Variants in ERGIC2 observed in about 807,000 individuals in gnomAD.
ERGIC2 encodes the protein ERGIC and golgi 2, also known as endoplasmic reticulum-Golgi intermediate compartment protein 2.
A neutral mutation model predicts 52.5 loss-of-function variants in ERGIC2; 31 were observed. The ratio of observed to expected loss-of-function variants is 0.59; its 90% confidence interval spans 0.44 to 0.80. The LOEUF is 0.80. ERGIC2 is among the 30% of genes least tolerant of loss of function. ERGIC2 has a pLI of 0.00. For synonymous variants in ERGIC2, 129 were observed against 140.6 expected, an observed-to-expected ratio of 0.92 and a Z score of 0.58; for missense variants, 395 against 455.2, an observed-to-expected ratio of 0.87 and a Z score of 1.20.
At chr12:29,366,068 C>A (rs1940358317) in intron 5 of ERGIC2, among the ~76,000 whole-genome samples, 1 of 151,972 alleles carries the variant, frequency 6.6e-6, no homozygotes, top group South Asian at 2.1e-4. Flanking sequence ...TACTCCCCCT[C>A]CTTCACCTTC....
chr12:29,367,198 TA>T (rs375518534), intron 4 of ERGIC2, among the ~76,000 whole-genome samples: 36 of 143,494 alleles, frequency 2.5e-4, no homozygotes, highest in South Asian at 8.7e-4. Context: ...TCTTACCCAA[TA>T]AAAAAAAAAA....
rs1949820601 is a variant in ERGIC2, at chr12:29,339,356, C to T, written c.*1800G>A. The stretch of plus-strand genomic sequence containing the variant: ...ATCCTAAATCAATATTGTTCTCCCT[C>T]CCATTTAGAAAAAGCCTTGAAACTC... On this transcript the variant is annotated 3_prime_UTR_variant, in exon 14 of 14. Transcript: ENST00000360150. 6.6e-6 allele frequency: 1 copy of T among 152,088 alleles called. No individual in the cohort carries two copies. The highest frequency in any genetic ancestry group is 2.4e-5 in the African/African-American group (1 of 41,418). The allele number at this position is 152,088 out of a possible 1,614,324, so 9.4% of individuals were successfully genotyped here.
At chr12:29,356,026 AC>A (rs1241101449) in intron 8 of ERGIC2, among the ~76,000 whole-genome samples, 10 of 149,506 alleles carry the variant, frequency 6.7e-5, no homozygotes, top group Non-Finnish European at 1.3e-4. Context: ...CAAAGTATTT[AC>A]TTTTTTTTTT....
chr12:29,352,146 C>A lies in ERGIC2; in HGVS notation c.573-2078G>T, dbSNP rs563540701. ...ATGCTGTCAAATTATAACTGCATCA[C>A]TACAATTCATAGTACACCAAAGTAC... is the stretch of plus-strand genomic sequence containing the variant. On this transcript the variant is annotated intron_variant, in intron 8 of 13. Transcript: ENST00000360150. Among the ~76,000 whole-genome samples, 224 of 152,212 alleles carry A rather than the reference C, an allele frequency of 1.5e-3. 1 individual carries two copies. Among genetic ancestry groups the A allele is most frequent in the African/African-American group, 5.0e-3 (207 of 41,534 alleles).
chr12:29,374,389 C>G (rs188332361), intron 1 of ERGIC2, among the ~76,000 whole-genome samples: 1 of 152,322 alleles, frequency 6.6e-6, no homozygotes, highest in East Asian at 1.9e-4. Flanking sequence ...TCATCTTTCT[C>G]TCAAGATTCT....
intron 7 of ERGIC2, 83 bp from the exon 8 acceptor site, chr12:29,356,560 A>G (rs965058172): frequency 1.5e-6 from 1 of 665,808 alleles, no homozygotes; most frequent in Non-Finnish European, 2.5e-6. Flanking sequence ...AGAAAAAAAA[A>G]TCCCTAAAGA....
At position 29,377,293 on chromosome 12, in the gene ERGIC2, G is replaced by A. The variant is rs577441751; in HGVS notation, c.-38+3822C>T. ...CTCCAGAAAGTCACTGATAACAGCT[G>A]GAGCTAAGACAAGACAGTTGTCCCT... On this transcript the variant is annotated intron_variant, in intron 1 of 13. Coordinates refer to ENST00000360150, the MANE Select transcript of ERGIC2 (RefSeq NM_016570.3). 2.0e-5 allele frequency among the ~76,000 whole-genome samples: 3 copies of A among 152,232 alleles called. No individual in the cohort carries two copies. In the East Asian group the frequency reaches 5.8e-4, roughly 29 times the overall value.
At chr12:29,344,793 T>C (rs1313961015) in intron 11 of ERGIC2, among the ~76,000 whole-genome samples, 1 of 152,222 alleles carries the variant, frequency 6.6e-6, no homozygotes, top group African/African-American at 2.4e-5. Context: ...AGAATTCTTC[T>C]GGATACAAGT....
intron 1 of ERGIC2, among the ~76,000 whole-genome samples, chr12:29,375,235 G>C (rs950139511): frequency 1.3e-5 from 2 of 152,124 alleles, no homozygotes; most frequent in African/African-American, 2.4e-5. Flanking sequence ...TCTGCTTCTA[G>C]AACGTTGTAC....
intron 8 of ERGIC2, among the ~76,000 whole-genome samples, chr12:29,353,504 C>T (rs1438906452): frequency 6.6e-6 from 1 of 152,094 alleles, no homozygotes; most frequent in East Asian, 1.9e-4. Flanking sequence ...GCCAGGGAGG[C>T]CTCCCTAACC....
At chr12:29,351,994 A>C (rs1381327090) in intron 8 of ERGIC2, among the ~76,000 whole-genome samples, 1 of 152,198 alleles carries the variant, frequency 6.6e-6, no homozygotes, top group Non-Finnish European at 1.5e-5. Flanking sequence ...GCCAAATTTG[A>C]TCAAATAATC....
intron 1 of ERGIC2, chr12:29,380,773 T>A (rs1032207218): frequency 1.3e-5 from 2 of 152,478 alleles, no homozygotes; most frequent in African/African-American, 4.8e-5. Context: ...CCTACTCGCC[T>A]GCGGACTGGA....
intron 5 of ERGIC2, among the ~76,000 whole-genome samples, chr12:29,362,350 C>A (rs141243572): frequency 8.0e-4 from 121 of 152,154 alleles, no homozygotes; most frequent in Non-Finnish European, 1.5e-3. Context: ...CCAAGACAGG[C>A]GGATTGCCTG....
At chr12:29,362,293 C>T (rs369462679) in intron 5 of ERGIC2, among the ~76,000 whole-genome samples, 5 of 152,104 alleles carry the variant, frequency 3.3e-5, no homozygotes, top group East Asian at 3.9e-4. Context: ...ATCCACTTTT[C>T]GGCCGGGCAT....
chr12:29,369,247 T>G (rs576112493), intron 3 of ERGIC2, among the ~76,000 whole-genome samples: 1 of 152,028 alleles, frequency 6.6e-6, no homozygotes, highest in Non-Finnish European at 1.5e-5. Flanking sequence ...TACATAAGAC[T>G]TCATTTGGAA....
chr12:29,364,311 C>A (rs1940328297), intron 5 of ERGIC2, among the ~76,000 whole-genome samples: 1 of 152,146 alleles, frequency 6.6e-6, no homozygotes, highest in African/African-American at 2.4e-5. Context: ...TGCACACCTG[C>A]AGCCATTTGA....
intron 3 of ERGIC2, among the ~76,000 whole-genome samples, chr12:29,369,222 T>C (rs1005962282): frequency 1.3e-5 from 2 of 151,918 alleles, no homozygotes; most frequent in Admixed American, 6.6e-5. Context: ...CATGCTTATG[T>C]GGCGAACTAT....
intron 13 of ERGIC2, 86 bp downstream of exon 13, chr12:29,341,648 C>A: frequency 2.7e-6 from 2 of 734,628 alleles, no homozygotes; most frequent in South Asian, 1.8e-5. Context: ...CTTGGGATTA[C>A]AGGTGTGAGC....
intron 6 of ERGIC2, among the ~76,000 whole-genome samples, chr12:29,358,980 A>G (rs1940247164): frequency 6.6e-6 from 1 of 152,172 alleles, no homozygotes; most frequent in African/African-American, 2.4e-5. Context: ...TGAAATTTAC[A>G]GTTAAAGAGA....
Sources: allele counts gnomAD v4.1 joint callset (sites outside exome capture counted in the v4.1 genomes callset), GRCh38; gene constraint gnomAD v4.1.1; transcripts MANE v1.5; gene names NCBI Gene and HGNC (gene_info 2026-07-23, HGNC 2026-07-21).